Variants in TANGO6 observed in about 807,000 individuals in gnomAD.
TANGO6 encodes transport and Golgi organization protein 6 homolog.
In TANGO6, 90 loss-of-function variants were observed where a neutral mutation model predicts 114.2. That is an observed-to-expected ratio of 0.79 (90% CI 0.66 to 0.94). TANGO6 has a LOEUF of 0.94. TANGO6 is among the 40% of genes least tolerant of loss of function. The pLI is 0.00. For missense variants in TANGO6, 1,274 were observed against 1,315.3 expected (o/e 0.97, Z 0.49); for synonymous variants, 477 against 509.8 (o/e 0.94, Z 0.87).
chr16:69,003,506 C>G (rs1567556723), intron 15 of TANGO6, among the ~76,000 whole-genome samples: 1 of 152,130 alleles, frequency 6.6e-6, no homozygotes, highest in Non-Finnish European at 1.5e-5. Context: ...TTGTGAAGAA[C>G]ATACCTTTTC....
At chr16:68,992,955 A>G (rs963162468) in intron 15 of TANGO6, among the ~76,000 whole-genome samples, 19 of 151,992 alleles carry the variant, frequency 1.3e-4, no homozygotes, top group African/African-American at 4.3e-4. Flanking sequence ...TGTAGTCCCA[A>G]CTACTCTGGA....
chr16:68,987,645 T>C (rs138910673), intron 15 of TANGO6, among the ~76,000 whole-genome samples: 2 of 152,176 alleles, frequency 1.3e-5, no homozygotes, highest in African/African-American at 4.8e-5. Flanking sequence ...GCTGGAATTA[T>C]AGGCATGAGC....
At position 68,860,198 on chromosome 16, in the gene TANGO6, C is replaced by T; in HGVS notation, c.409C>T (p.Leu137Phe). 1 of 1,614,014 alleles carries T rather than the reference C, an allele frequency of 6.2e-7. No individual in the cohort carries two copies. The highest frequency in any genetic ancestry group is 8.5e-7 in the Non-Finnish European group (1 of 1,179,904). The change falls in exon 2 of 18, where the codon CTT becomes TTT. Residue 137 changes from leucine to phenylalanine, a missense_variant. Transcript: ENST00000261778. ...EVAPALSPDA[L>F]SISQQKTVQF... is the part of the protein sequence containing the mutation. ...TGCTCCTGCCCTGAGCCCCGATGCACTTAGTATCTCACAACAGAAGACTGT... is the reference window on the plus strand; with the variant it reads ...TGCTCCTGCCCTGAGCCCCGATGCATTTAGTATCTCACAACAGAAGACTGT...
intron 14 of TANGO6, among the ~76,000 whole-genome samples, chr16:68,943,752 T>C (rs1322232510): frequency 6.6e-6 from 1 of 152,192 alleles, no homozygotes; most frequent in Non-Finnish European, 1.5e-5. Context: ...TCATTCCTTT[T>C]AGTATGGAAA....
intron 17 of TANGO6, among the ~76,000 whole-genome samples, chr16:69,067,989 A>AAATT: frequency 1.3e-5 from 2 of 151,034 alleles, no homozygotes; most frequent in Middle Eastern, 6.8e-3. Context: ...AAAAATACAA[A>AAATT]AATTAGCCAG....
chr16:68,925,901 A>G (rs1162103726), intron 12 of TANGO6, among the ~76,000 whole-genome samples: 1 of 151,248 alleles, frequency 6.6e-6, no homozygotes, highest in Non-Finnish European at 1.5e-5. Context: ...AATTAAAAAA[A>G]AAAAAAAGAA....
At chr16:68,915,968 A>ATG (rs1491442146) in intron 11 of TANGO6, among the ~76,000 whole-genome samples, 1 of 152,000 alleles carries the variant, frequency 6.6e-6, no homozygotes, top group East Asian at 1.9e-4. Flanking sequence ...CTAAGTATGC[A>ATG]TGTGTGTGTG....
At chr16:68,898,940 A>G (rs1037232632) in intron 7 of TANGO6, among the ~76,000 whole-genome samples, 2 of 132,424 alleles carry the variant, frequency 1.5e-5, no homozygotes, top group Non-Finnish European at 3.1e-5. Context: ...ACTTGCAATT[A>G]TCTGCCTTAT....
chr16:69,016,947 C>T (rs1959310609), intron 15 of TANGO6, among the ~76,000 whole-genome samples: 1 of 152,162 alleles, frequency 6.6e-6, no homozygotes, highest in South Asian at 2.1e-4. Context: ...AGGTGTAAGC[C>T]ACCATACCCA....
intron 3 of TANGO6, among the ~76,000 whole-genome samples, chr16:68,865,269 C>T (rs1313031026): frequency 6.8e-6 from 1 of 147,982 alleles, no homozygotes; most frequent in African/African-American, 2.5e-5. Flanking sequence ...GAGCGAGACT[C>T]CGTCTCAAAA....
At chr16:69,012,556 C>CAAAGAAAAAAAAAAAAAAAAAAAAAAAA (rs1964151640) in intron 15 of TANGO6, among the ~76,000 whole-genome samples, 1 of 36,512 alleles carries the variant, frequency 2.7e-5, no homozygotes, top group Non-Finnish European at 5.0e-5. Context: ...AACTCTGTCT[C>CAAAGAAAAAAAAAAAAAAAAAAAAAAAA]AAAAAAAAAA....
At chr16:69,035,966 C>G (rs1486891097) in intron 16 of TANGO6, 2 of 151,550 alleles carry the variant, frequency 1.3e-5, no homozygotes, top group African/African-American at 4.9e-5. Context: ...TCACTTGAAC[C>G]CGGGAGGCAA....
At chr16:69,030,231 G>A (rs1334013731) in intron 16 of TANGO6, among the ~76,000 whole-genome samples, 4 of 151,840 alleles carry the variant, frequency 2.6e-5, no homozygotes, top group Non-Finnish European at 2.9e-5. Context: ...AACCCTGTCA[G>A]ATACCACCCT....
At chr16:69,045,277 A>G (rs1597070265) in intron 17 of TANGO6, among the ~76,000 whole-genome samples, 1 of 151,016 alleles carries the variant, frequency 6.6e-6, no homozygotes, top group South Asian at 2.1e-4. Flanking sequence ...ACATGGTGAA[A>G]CCCCGTCTCT....
intron 15 of TANGO6, among the ~76,000 whole-genome samples, chr16:68,995,350 AG>A (rs1361399985): frequency 6.6e-6 from 1 of 152,186 alleles, no homozygotes; most frequent in African/African-American, 2.4e-5. Flanking sequence ...AGACACCAGT[AG>A]GGGGAAATCT....
chr16:68,927,694 G>A lies in TANGO6; in HGVS notation c.2254G>A (p.Gly752Arg). 3.7e-6 allele frequency: 6 copies of A among 1,613,960 alleles called. No individual in the cohort carries two copies. Among genetic ancestry groups the A allele is most frequent in the Non-Finnish European group, 5.1e-6 (6 of 1,179,888 alleles). Residue 752 changes from glycine to arginine, a missense_variant, in exon 13 of 18, where the codon GGA (glycine) becomes AGA (arginine). By Grantham distance (125) the Gly-to-Arg change is moderately radical. Coordinates refer to ENST00000261778, the MANE Select transcript of TANGO6 (RefSeq NM_024562.2). ...TCTCCGCATCACCATCTCTACCCAT[G>A]GAGCCTTTGCCACTGAGGCCGTCAG... ...VDLRITISTH[G>R]AFATEAVSMA... is the part of the protein sequence containing the mutation.
In TANGO6 at chr16:69,033,962, G is replaced by A. The variant is rs144389792; in HGVS notation, c.2995-6346G>A. The A allele has an allele frequency of 6.1e-3, 943 of 153,788 alleles. 5 individuals are homozygous for A. Among genetic ancestry groups the A allele is most frequent in the South Asian group, 0.019 (93 of 4,888 alleles). The allele number at this position is 153,788 out of a possible 1,614,324, so 9.5% of individuals were successfully genotyped here. Reference sequence around the variant, plus strand: ...TTTTCAAGGGGCATCTCTCATGGGTGAGGTTTTAAAGATTATGCTTGTGTA... The same window carrying A: ...TTTTCAAGGGGCATCTCTCATGGGTAAGGTTTTAAAGATTATGCTTGTGTA... On this transcript the variant is annotated intron_variant, in intron 16 of 17. Coordinates refer to ENST00000261778, the MANE Select transcript of TANGO6 (RefSeq NM_024562.2).
At chr16:68,849,057 G>A (rs1302676306) in intron 1 of TANGO6, among the ~76,000 whole-genome samples, 2 of 152,178 alleles carry the variant, frequency 1.3e-5, no homozygotes, top group Non-Finnish European at 2.9e-5. Flanking sequence ...ATTATGGGCC[G>A]AGTGCAGTGG....
At chr16:68,874,701 C>T (rs975357516) in intron 4 of TANGO6, among the ~76,000 whole-genome samples, 3 of 152,148 alleles carry the variant, frequency 2.0e-5, no homozygotes, top group African/African-American at 7.2e-5. Flanking sequence ...GTAATCACAG[C>T]ACTTTGGAGG....
Sources: allele counts gnomAD v4.1 joint callset (sites outside exome capture counted in the v4.1 genomes callset), GRCh38; gene constraint gnomAD v4.1.1; transcripts MANE v1.5; gene names NCBI Gene and HGNC (gene_info 2026-07-23, HGNC 2026-07-21).